PDE4D: variants seen among roughly 807,000 people sequenced by gnomAD.
The protein encoded by PDE4D is 3',5'-cyclic-AMP phosphodiesterase 4D.
PDE4D carries 24 observed loss-of-function variants against 87.4 expected under a neutral mutation model. That is an observed-to-expected ratio of 0.27 (90% CI 0.20 to 0.39). The LOEUF is 0.39. PDE4D is among the 10% of genes least tolerant of loss of function. The probability of loss-of-function intolerance (pLI) is 1.00; values close to 1 mark genes in which losing one functional copy is unlikely to be tolerated. For synonymous variants in PDE4D, 384 were observed against 383.2 expected, an observed-to-expected ratio of 1.00 and a Z score of -0.02; for missense variants, 714 against 1,041.0, an observed-to-expected ratio of 0.69 and a Z score of 4.32.
chr5:59,469,246 T>A (rs994689487), intron 1 of PDE4D, among the ~76,000 whole-genome samples: 1 of 152,014 alleles, frequency 6.6e-6, no homozygotes, highest in African/African-American at 2.4e-5. Flanking sequence ...GAGAATGGCA[T>A]GAACCAAGGA....
At chr5:59,326,249 C>T (rs1411547167) in intron 1 of PDE4D, among the ~76,000 whole-genome samples, 1 of 151,690 alleles carries the variant, frequency 6.6e-6, no homozygotes, top group Non-Finnish European at 1.5e-5. Context: ...CACATGTACC[C>T]TAAAACTTAA....
intron 2 of PDE4D, among the ~76,000 whole-genome samples, chr5:60,048,299 T>C (rs1218350011): frequency 2.6e-5 from 4 of 152,254 alleles, no homozygotes; most frequent in Admixed American, 1.3e-4. Context: ...AGCACACTGA[T>C]GGGTCTTGAC....
At chr5:59,423,691 C>G (rs1327110049) in intron 1 of PDE4D, among the ~76,000 whole-genome samples, 1 of 151,284 alleles carries the variant, frequency 6.6e-6, no homozygotes, top group East Asian at 1.9e-4. Context: ...GAACTCTAGG[C>G]AAAAAATAGG....
chr5:58,976,287 A>C (rs1743762811), intron 13 of PDE4D, 63 bp downstream of exon 13: 3 of 1,530,024 alleles, frequency 2.0e-6, no homozygotes, highest in Non-Finnish European at 2.7e-6. Flanking sequence ...AAAGCTGAAC[A>C]CGCAGACATG....
rs200540679 is a variant in PDE4D, at chr5:60,075,125, CTG to C, written c.43-86410_43-86409del. Among the ~76,000 whole-genome samples, 39 of 152,072 alleles carry C rather than the reference CTG, an allele frequency of 2.6e-4. No individual in the cohort carries two copies. The East Asian group carries it at 6.0e-3, about 23-fold the overall frequency. On this transcript the variant is annotated intron_variant, in intron 2 of 16. Coordinates refer to the PDE4D transcript ENST00000502484. The stretch of plus-strand genomic sequence containing the variant: ...ACTGGTCTGTGTACTTATAGAGACA[CTG>C]TGTATTTGCAGTGTCTGATAACGGT...
intron 1 of PDE4D, among the ~76,000 whole-genome samples, chr5:60,405,661 T>C (rs1741465348): frequency 6.6e-6 from 1 of 152,250 alleles, no homozygotes; most frequent in East Asian, 1.9e-4. Context: ...TATAACATAG[T>C]GGCCTACATC....
chr5:59,324,266 T>C (rs1775245755), intron 1 of PDE4D, among the ~76,000 whole-genome samples: 1 of 152,166 alleles, frequency 6.6e-6, no homozygotes, highest in African/African-American at 2.4e-5. Flanking sequence ...TCTGATTTAC[T>C]TGTAGTTGAC....
intron 2 of PDE4D, among the ~76,000 whole-genome samples, chr5:60,038,711 A>G (rs1282052974): frequency 1.3e-5 from 2 of 151,936 alleles, no homozygotes; most frequent in African/African-American, 4.8e-5. Context: ...AATATCCAGA[A>G]TCTACAATGA....
chr5:59,009,724 T>C (rs1331732758), intron 6 of PDE4D, among the ~76,000 whole-genome samples: 2 of 152,138 alleles, frequency 1.3e-5, no homozygotes, highest in African/African-American at 4.8e-5. Context: ...TTGTACACAT[T>C]TGTGAAAATG....
chr5:59,334,612 C>T (rs891568117), intron 1 of PDE4D, among the ~76,000 whole-genome samples: 59 of 152,014 alleles, frequency 3.9e-4, no homozygotes, highest in African/African-American at 1.4e-3. Context: ...GTTGATTATA[C>T]GTATTTAGCT....
intron 2 of PDE4D, among the ~76,000 whole-genome samples, chr5:60,167,396 G>C (rs1202409172): frequency 6.6e-6 from 1 of 150,588 alleles, no homozygotes; most frequent in Non-Finnish European, 1.5e-5. Context: ...AGCCTCCCGA[G>C]TAGCTGGGAC....
At chr5:60,240,213 A>G (rs1425660375) in intron 1 of PDE4D, among the ~76,000 whole-genome samples, 1 of 152,094 alleles carries the variant, frequency 6.6e-6, no homozygotes, top group Non-Finnish European at 1.5e-5. Flanking sequence ...TATTAATAAT[A>G]TTTACTCCTT....
At chr5:59,185,343 CTT>C (rs1742659157) in intron 3 of PDE4D, 81 bp from the exon 4 acceptor site, 8 of 924,194 alleles carry the variant, frequency 8.7e-6, no homozygotes, top group Non-Finnish European at 1.2e-5. Context: ...TAAGAGAAAA[CTT>C]GATATTGCTT....
chr5:60,137,154 T>C (rs1780128437), intron 2 of PDE4D, among the ~76,000 whole-genome samples: 1 of 152,246 alleles, frequency 6.6e-6, no homozygotes, highest in Admixed American at 6.5e-5. Context: ...TCTTTATTTA[T>C]GGCTGCATAA....
chr5:59,195,712 G>C (rs7444432), intron 2 of PDE4D, among the ~76,000 whole-genome samples: 1 of 152,140 alleles, frequency 6.6e-6, no homozygotes, highest in Non-Finnish European at 1.5e-5. Flanking sequence ...CACATACATA[G>C]AGTGATGTTT....
At chr5:60,152,652 CAAAAAA>C (rs35561110) in intron 2 of PDE4D, among the ~76,000 whole-genome samples, 4 of 130,190 alleles carry the variant, frequency 3.1e-5, no homozygotes, top group Non-Finnish European at 1.6e-5. Context: ...GACTCTGTCT[CAAAAAA>C]AAAAAAAAAA....
chr5:60,241,236 C>T lies in PDE4D; in HGVS notation c.-89-55549G>A, dbSNP rs559493993. Among the ~76,000 whole-genome samples the T allele has an allele frequency of 7.5e-5, 11 of 147,506 alleles. No homozygotes were observed. The East Asian group carries it at 8.1e-4, about 11-fold the overall frequency. Reference sequence around the variant, plus strand: ...GGAGTTGAAAAATGCAATTGATATACTGAAGAATACATCAGAGTCTCTCTC... The same window carrying T: ...GGAGTTGAAAAATGCAATTGATATATTGAAGAATACATCAGAGTCTCTCTC... On this transcript the variant is annotated intron_variant, in intron 1 of 16. Transcript: ENST00000502484.
At chr5:60,521,350 C>G (rs1751031475) in intron 1 of PDE4D, 1 of 152,170 alleles carries the variant, frequency 6.6e-6, no homozygotes, top group Non-Finnish European at 1.5e-5. Context: ...TTAACATTTT[C>G]TATTTTATTA....
chr5:59,189,237 TTTTTTTGTTTTTTTTG>T (rs1561663127), intron 3 of PDE4D, among the ~76,000 whole-genome samples: 1 of 80,166 alleles, frequency 1.2e-5, no homozygotes, highest in Non-Finnish European at 2.4e-5. Context: ...ACCCCGTTTT[TTTTTTTGTTTTTTTTG>T]TTTTTTTTTT....
Sources: gnomAD v4.1 joint callset for allele counts (sites outside exome capture counted in the v4.1 genomes callset) on GRCh38, gnomAD v4.1.1 for gene constraint, MANE v1.5 for transcripts, NCBI Gene and HGNC (gene_info 2026-07-23, HGNC 2026-07-21) for gene names.